CCM2: variants seen among roughly 807,000 people sequenced by gnomAD.
The protein encoded by CCM2 is cerebral cavernous malformations 2 protein.
Under a neutral mutation model 44.9 loss-of-function variants are expected in CCM2, and 25 were observed. The ratio of observed to expected loss-of-function variants is 0.56; its 90% CI spans 0.41 to 0.78. CCM2 has a LOEUF of 0.78. Among genes scored for constraint, CCM2 ranks in the 30% least tolerant of loss-of-function variants. The pLI is 0.00. For missense variants in CCM2, 481 were observed against 580.6 expected (o/e 0.83, Z 1.76); for synonymous variants, 219 against 241.1 (o/e 0.91, Z 0.85).
intron 1 of CCM2, among the ~76,000 whole-genome samples, chr7:45,035,502 A>G (rs1457328265): frequency 6.6e-6 from 1 of 152,070 alleles, no homozygotes; most frequent in Non-Finnish European, 1.5e-5. Context: ...TCAACGGGGA[A>G]CTACTCTGGG....
intron 9 of CCM2, among the ~76,000 whole-genome samples, chr7:45,075,118 C>A (rs558201859): frequency 6.6e-6 from 1 of 152,356 alleles, no homozygotes; most frequent in South Asian, 2.1e-4. Context: ...CTCTTAGGAG[C>A]GTGAAGGGCT....
intron 2 of CCM2, among the ~76,000 whole-genome samples, chr7:45,050,492 G>A (rs1378168617): frequency 6.6e-6 from 1 of 152,236 alleles, no homozygotes; most frequent in Non-Finnish European, 1.5e-5. Context: ...AGCAGATACT[G>A]AGGGACAACT....
chr7:45,048,615 T>C (rs995777144), intron 2 of CCM2, among the ~76,000 whole-genome samples: 1 of 152,094 alleles, frequency 6.6e-6, no homozygotes, highest in African/African-American at 2.4e-5. Context: ...ATACAAAGAT[T>C]AGCTGGATGT....
Position 45,021,572 on chromosome 7 carries a change from A to G in CCM2, c.31-16681A>G, listed in dbSNP as rs140494445. ...GAGCGAGGCTCTTTCTCAAAAAAAA[A>G]AAATAAAATAAAATAAATAATAAAT... On this transcript the variant is annotated intron_variant, in intron 1 of 9. Transcript: ENST00000258781. Among the ~76,000 whole-genome samples, 1,207 of 151,098 alleles carry G rather than the reference A, an allele frequency of 8.0e-3. 19 individuals are homozygous for G. Among genetic ancestry groups the G allele is most frequent in the African/African-American group, 0.028 (1,134 of 41,026 alleles).
chr7:45,040,881 T>C (rs995390134), intron 2 of CCM2, among the ~76,000 whole-genome samples: 1 of 152,040 alleles, frequency 6.6e-6, no homozygotes, highest in Non-Finnish European at 1.5e-5. Flanking sequence ...TTCCAGCTAC[T>C]TGGGAGGCTG....
chr7:45,005,165 A>G (rs558840492), intron 1 of CCM2, among the ~76,000 whole-genome samples: 1 of 152,306 alleles, frequency 6.6e-6, no homozygotes, highest in South Asian at 2.1e-4. Flanking sequence ...ACTCAGGGTC[A>G]GGAGGCTGGA....
chr7:45,012,577 G>A (rs115826547), intron 1 of CCM2, among the ~76,000 whole-genome samples: 195 of 152,042 alleles, frequency 1.3e-3, no homozygotes, highest in African/African-American at 4.3e-3. Flanking sequence ...AGCAACTGCC[G>A]AAGAGTCTCG....
intron 2 of CCM2, among the ~76,000 whole-genome samples, chr7:45,058,741 T>C (rs1798383790): frequency 6.6e-6 from 1 of 152,060 alleles, no homozygotes; most frequent in African/African-American, 2.4e-5. Flanking sequence ...TACAATCATA[T>C]GATTTTTCTT....
At chr7:45,058,109 C>T (rs1798349795) in intron 2 of CCM2, among the ~76,000 whole-genome samples, 1 of 152,214 alleles carries the variant, frequency 6.6e-6, no homozygotes, top group Non-Finnish European at 1.5e-5. Flanking sequence ...AGAGTGACCT[C>T]CTTGCTTGGT....
intron 2 of CCM2, among the ~76,000 whole-genome samples, chr7:45,042,047 G>A (rs1354974185): frequency 1.3e-5 from 2 of 152,054 alleles, no homozygotes; most frequent in Non-Finnish European, 2.9e-5. Flanking sequence ...AGACTGAGGC[G>A]GACGGATCAC....
intron 2 of CCM2, among the ~76,000 whole-genome samples, chr7:45,050,833 C>G (rs1400339727): frequency 2.0e-5 from 3 of 152,156 alleles, no homozygotes; most frequent in African/African-American, 7.2e-5. Flanking sequence ...AATTGGTTCT[C>G]TTGCAGCAGA....
chr7:45,071,883 A>C (rs1001349), intron 6 of CCM2: 1 of 456,470 alleles, frequency 2.2e-6, no homozygotes. Context: ...GTCAGCTGAT[A>C]AGCATCCTTT....
chr7:45,073,707 A>T (rs1472164199), intron 8 of CCM2, 136 bp downstream of exon 8: 2 of 634,320 alleles, frequency 3.2e-6, no homozygotes, highest in Non-Finnish European at 5.6e-6. Context: ...ACTCTTGGTC[A>T]ATTTTGCTGA....
intron 4 of CCM2, 127 bp downstream of exon 4, chr7:45,064,773 C>A (rs73107990): frequency 2.1e-5 from 20 of 961,272 alleles, no homozygotes; most frequent in Non-Finnish European, 2.9e-5. Flanking sequence ...CAATAATTGT[C>A]TTTCCTGTCT....
At chr7:45,028,079 G>A (rs577071783) in intron 1 of CCM2, among the ~76,000 whole-genome samples, 2 of 152,356 alleles carry the variant, frequency 1.3e-5, no homozygotes, top group Admixed American at 1.3e-4. Flanking sequence ...GGAAGAAGAA[G>A]CCACAGGTTT....
intron 1 of CCM2, among the ~76,000 whole-genome samples, chr7:45,037,418 C>CTT (rs11424221): frequency 0.089 from 9,972 of 112,052 alleles, 1,538 homozygotes; most frequent in African/African-American, 0.28. Flanking sequence ...TCTCCCCCTA[C>CTT]TTTTTTTTTT....
chr7:45,009,300 C>CA (rs774413571), intron 1 of CCM2, among the ~76,000 whole-genome samples: 202 of 20,124 alleles, frequency 0.01, 5 homozygotes, highest in Middle Eastern at 0.053. Context: ...GCCTCTGTCT[C>CA]AAAAAAAAAA....
At position 45,074,308 on chromosome 7, in the gene CCM2, T is replaced by C. The variant is rs140520179; in HGVS notation, c.954T>C (p.Phe318=). Residue 318 remains phenylalanine, a synonymous_variant, in exon 9 of 10, where the codon TTT becomes TTC. Transcript: ENST00000258781. ...TKLSSQEIQQ[F]AALLHEYRNG... is the part of the protein sequence containing the mutation. ...TGTCATCACAGGAGATCCAGCAGTT[T>C]GCAGCACTGCTGCACGAGTACCGCA... is the stretch of plus-strand genomic sequence containing the variant. The C allele has an allele frequency of 9.3e-6, 15 of 1,613,660 alleles. No homozygotes were observed. In the African/African-American group the frequency reaches 9.3e-5, roughly 10 times the overall value.
chr7:45,069,703 T>G (rs1460017620), intron 5 of CCM2, 123 bp from the exon 6 acceptor site: 3 of 1,264,752 alleles, frequency 2.4e-6, no homozygotes, highest in Non-Finnish European at 3.4e-6. Context: ...AGGGACACAT[T>G]CTGGTATCCA....
Sources: gnomAD v4.1 joint callset for allele counts (sites outside exome capture counted in the v4.1 genomes callset) on GRCh38, gnomAD v4.1.1 for gene constraint, MANE v1.5 for transcripts, NCBI Gene and HGNC (gene_info 2026-07-23, HGNC 2026-07-21) for gene names.